The following REDIC1 variants were observed in gnomAD, a reference collection of about 807,000 sequenced individuals.
REDIC1 encodes the protein HEI10 Interacting Protein 1.
chr12:39,692,092 G>A, the REDIC1 span: 58 of 1,576,036 alleles, frequency 3.7e-5, no homozygotes, highest in Middle Eastern at 3.4e-4. Context: ...AAAAGCAAGC[G>A]AATATCTACT....
chr12:39,665,366 A>G, the REDIC1 span, among the ~76,000 whole-genome samples: 1 of 152,128 alleles, frequency 6.6e-6, no homozygotes, highest in Non-Finnish European at 1.5e-5. Flanking sequence ...CAGGTTTGTC[A>G]AAGATCAGAT....
the REDIC1 span, among the ~76,000 whole-genome samples, chr12:39,705,858 T>C: frequency 6.6e-6 from 1 of 152,086 alleles, no homozygotes; most frequent in African/African-American, 2.4e-5. Flanking sequence ...ACTATTTTAC[T>C]TAATGGGGAA....
the REDIC1 span, chr12:39,626,429 G>C: frequency 2.5e-6 from 4 of 1,594,296 alleles, no homozygotes; most frequent in Non-Finnish European, 3.4e-6. Flanking sequence ...GTTCCTGGCG[G>C]AGAGGTCACA....
chr12:39,686,483 G>T, the REDIC1 span, among the ~76,000 whole-genome samples: 1 of 152,208 alleles, frequency 6.6e-6, no homozygotes, highest in Non-Finnish European at 1.5e-5. Context: ...TGGAGTGACT[G>T]GGATACAGGG....
the REDIC1 span, among the ~76,000 whole-genome samples, chr12:39,840,536 T>C: frequency 6.6e-6 from 1 of 152,054 alleles, no homozygotes; most frequent in Non-Finnish European, 1.5e-5. Flanking sequence ...CCAAAGAGAC[T>C]GCAGGATTTA....
chr12:39,862,995 A>T, the REDIC1 span, among the ~76,000 whole-genome samples: 1 of 152,164 alleles, frequency 6.6e-6, no homozygotes, highest in Non-Finnish European at 1.5e-5. Context: ...TTACAAAATC[A>T]CTTAGACTAT....
chr12:39,846,227 T>C, the REDIC1 span, among the ~76,000 whole-genome samples: 2 of 152,132 alleles, frequency 1.3e-5, no homozygotes, highest in African/African-American at 4.8e-5. Context: ...TATATCAACA[T>C]AGGTATTTTA....
the REDIC1 span, among the ~76,000 whole-genome samples, chr12:39,871,349 A>G: frequency 2.0e-5 from 3 of 151,512 alleles, no homozygotes; most frequent in Non-Finnish European, 2.9e-5. Context: ...AAGAAATTAC[A>G]TGGTTCTAAT....
chr12:39,754,330 C>A, the REDIC1 span: 1 of 152,090 alleles, frequency 6.6e-6, no homozygotes, highest in Non-Finnish European at 1.5e-5. Flanking sequence ...GTCCGTTATT[C>A]AGGTGAGTGG....
At chr12:39,826,854 A>ATTTTTTTTT in the REDIC1 span, among the ~76,000 whole-genome samples, 1,365 of 67,298 alleles carry the variant, frequency 0.02, 164 homozygotes, top group African/African-American at 0.081. Context: ...GTCTCTTTCA[A>ATTTTTTTTT]TTTTTTTTTT....
the REDIC1 span, among the ~76,000 whole-genome samples, chr12:39,628,220 T>G: frequency 6.6e-6 from 1 of 152,170 alleles, no homozygotes; most frequent in Non-Finnish European, 1.5e-5. Context: ...TGTGAAATGT[T>G]CAGATACACT....
the REDIC1 span, among the ~76,000 whole-genome samples, chr12:39,733,236 G>A: frequency 6.6e-6 from 1 of 152,074 alleles, no homozygotes. Context: ...CATGCTTATG[G>A]AATAAAATGT....
At chr12:39,713,497 C>T in the REDIC1 span, among the ~76,000 whole-genome samples, 4 of 149,396 alleles carry the variant, frequency 2.7e-5, no homozygotes, top group Admixed American at 2.7e-4. Context: ...CATTTGTACA[C>T]ATACATATGT....
At chr12:39,895,514 TTATATATATATATATATATA>T in the REDIC1 span, among the ~76,000 whole-genome samples, 44 of 56,654 alleles carry the variant, frequency 7.8e-4, 3 homozygotes, top group African/African-American at 3.1e-3. Context: ...AAAAAAAAAA[TTATATATATATATATATATA>T]TATATATATA....
chr12:39,808,359 CA>C, the REDIC1 span, among the ~76,000 whole-genome samples: 17 of 151,854 alleles, frequency 1.1e-4, no homozygotes, highest in Non-Finnish European at 2.1e-4. Context: ...GTTGAAGTAA[CA>C]TCTACGTAAT....
At chr12:39,848,434 A>C in the REDIC1 span, among the ~76,000 whole-genome samples, 1 of 152,188 alleles carries the variant, frequency 6.6e-6, no homozygotes, top group African/African-American at 2.4e-5. Context: ...ATTCCATATC[A>C]CTAATCATTA....
chr12:39,713,790 TA>T, the REDIC1 span, among the ~76,000 whole-genome samples: 1 of 148,938 alleles, frequency 6.7e-6, no homozygotes, highest in South Asian at 2.1e-4. Context: ...TAAATATACA[TA>T]GATGTATATA....
the REDIC1 span, among the ~76,000 whole-genome samples, chr12:39,790,494 T>C: frequency 6.6e-6 from 1 of 151,148 alleles, no homozygotes; most frequent in Non-Finnish European, 1.5e-5. Context: ...CTTGTGATAG[T>C]TTGCTGAGAA....
At chr12:39,830,575 G>A in the REDIC1 span, 1 of 763,572 alleles carries the variant, frequency 1.3e-6, no homozygotes, top group Non-Finnish European at 1.6e-6. Context: ...CTGCCTCATT[G>A]TGATCCAGCC....
Sources: allele counts gnomAD v4.1 joint callset (sites outside exome capture counted in the v4.1 genomes callset), GRCh38; gene constraint gnomAD v4.1.1; transcripts MANE v1.5; gene names NCBI Gene and HGNC (gene_info 2026-07-23, HGNC 2026-07-21).